Variants in XPO4 observed in about 807,000 individuals in gnomAD.
XPO4 encodes the protein exportin 4, also known as exportin-4.
A neutral mutation model predicts 143.0 loss-of-function variants in XPO4; 39 were observed. The observed-to-expected ratio is 0.27, with a 90% confidence interval of 0.21 to 0.36. The LOEUF (loss-of-function observed/expected upper bound fraction) is 0.36. Among genes scored for constraint, XPO4 ranks in the 10% least tolerant of loss-of-function variants. The pLI is 1.00. For synonymous variants in XPO4, 439 were observed against 474.0 expected (o/e 0.93, Z 0.96); for missense variants, 907 against 1,348.0 (o/e 0.67, Z 5.12).
intron 4 of XPO4, chr13:20,849,284 T>C (rs985432730): frequency 1.0e-6 from 1 of 985,440 alleles, no homozygotes. Context: ...AGAGATTAAC[T>C]TGGCTATCAC....
At chr13:20,808,707 A>G (rs2059538823) in intron 11 of XPO4, 126 bp from the exon 12 acceptor site, 1 of 764,344 alleles carries the variant, frequency 1.3e-6, no homozygotes, top group Non-Finnish European at 1.9e-6. Flanking sequence ...CAAAAACATT[A>G]TAGTACACAA....
chr13:20,874,347 T>C (rs7984503), intron 1 of XPO4, among the ~76,000 whole-genome samples: 43,984 of 152,110 alleles, frequency 0.29, 8,031 homozygotes, highest in East Asian at 0.8. Flanking sequence ...TAAGGATTTC[T>C]TAGGTTTAAT....
At chr13:20,856,909 T>G (rs1320106777) in intron 3 of XPO4, 1 of 985,298 alleles carries the variant, frequency 1.0e-6, no homozygotes, top group South Asian at 4.7e-5. Flanking sequence ...ACAGGACATA[T>G]CTGTTACTAC....
At chr13:20,886,184 C>A (rs971410359) in intron 1 of XPO4, among the ~76,000 whole-genome samples, 1 of 152,078 alleles carries the variant, frequency 6.6e-6, no homozygotes, top group Non-Finnish European at 1.5e-5. Flanking sequence ...CATATCCAAA[C>A]AAATTTTAAA....
At chr13:20,891,447 A>G (rs1267892247) in intron 1 of XPO4, among the ~76,000 whole-genome samples, 1 of 152,244 alleles carries the variant, frequency 6.6e-6, no homozygotes, top group African/African-American at 2.4e-5. Flanking sequence ...TAACATTTAC[A>G]GAGCACTTAC....
At chr13:20,855,928 A>G (rs1267376541) in intron 3 of XPO4, among the ~76,000 whole-genome samples, 163 bp from the exon 4 acceptor site, 1 of 152,222 alleles carries the variant, frequency 6.6e-6, no homozygotes, top group Non-Finnish European at 1.5e-5. Flanking sequence ...GCCTGGGTTC[A>G]AACCCAGGCT....
At chr13:20,880,859 G>A (rs923381587) in intron 1 of XPO4, among the ~76,000 whole-genome samples, 1 of 151,470 alleles carries the variant, frequency 6.6e-6, no homozygotes, top group Non-Finnish European at 1.5e-5. Flanking sequence ...TGGGCAGGCT[G>A]AAGTGGGAGG....
chr13:20,848,268 T>G, intron 4 of XPO4: 1 of 984,408 alleles, frequency 1.0e-6, no homozygotes, highest in Non-Finnish European at 1.2e-6. Flanking sequence ...TCTGCAGGAC[T>G]CTTTCAGGAG....
At chr13:20,842,251 T>C (rs1316720360) in intron 6 of XPO4, among the ~76,000 whole-genome samples, 2 of 152,198 alleles carry the variant, frequency 1.3e-5, no homozygotes, top group South Asian at 2.1e-4. Context: ...GGGCAGCAGA[T>C]GTCCCAGCAT....
At chr13:20,861,169 G>A (rs1390642352) in intron 3 of XPO4, among the ~76,000 whole-genome samples, 2 of 151,836 alleles carry the variant, frequency 1.3e-5, no homozygotes, top group African/African-American at 4.8e-5. Context: ...AACATCTAAA[G>A]TATTCAATTG....
At chr13:20,814,192 C>CAA (rs35203359) in intron 9 of XPO4, among the ~76,000 whole-genome samples, 2,395 of 97,878 alleles carry the variant, frequency 0.024, 40 homozygotes, top group Non-Finnish European at 0.034. Flanking sequence ...ACCCAGTCTC[C>CAA]AAAAAAAAAA....
At chr13:20,801,315 C>CA (rs541822392) in intron 13 of XPO4, among the ~76,000 whole-genome samples, 49 of 152,144 alleles carry the variant, frequency 3.2e-4, no homozygotes, top group Non-Finnish European at 7.2e-4. Flanking sequence ...AGAAATACAT[C>CA]AAATTAAATC....
intron 2 of XPO4, chr13:20,863,203 T>G (rs1013493197): frequency 1.8e-5 from 14 of 760,526 alleles, no homozygotes; most frequent in Non-Finnish European, 3.2e-6. Context: ...TCTCACCCTG[T>G]GCAAAACAGA....
chr13:20,807,554 A>G lies in XPO4; in HGVS notation c.1720T>C (p.Ser574Pro). The change falls in exon 13 of 23, where the codon TCT becomes CCT. Residue 574 changes from serine (S) to proline (P), a missense_variant. Physicochemically the swap from Ser to Pro is moderately conservative, Grantham distance 74. Transcript: ENST00000255305. The part of the protein sequence containing the change: ...EIMEYSIKHS[S>P]EVDINTTLQI... ...AGTGTTGTATTAATGTCAACTTCAG[A>G]TGAATGCTTAATGGAATATTCCATT... 6.2e-7 allele frequency: 1 copy of G among 1,613,680 alleles called. No individual in the cohort carries two copies.
chr13:20,854,488 A>AAC (rs2060122319), intron 4 of XPO4, among the ~76,000 whole-genome samples: 1 of 152,226 alleles, frequency 6.6e-6, no homozygotes, highest in Admixed American at 6.5e-5. Flanking sequence ...AAAAGGAATT[A>AAC]ACAAACAGTT....
chr13:20,874,948 C>T (rs1055713719), intron 1 of XPO4, among the ~76,000 whole-genome samples: 9 of 151,948 alleles, frequency 5.9e-5, no homozygotes, highest in African/African-American at 1.9e-4. Context: ...GAGCCAAGAT[C>T]GCAGCACAGC....
intron 19 of XPO4, 64 bp from the exon 20 acceptor site, chr13:20,788,680 CAATAA>C (rs1412991703): frequency 3.3e-5 from 47 of 1,403,536 alleles, no homozygotes; most frequent in Middle Eastern, 2.4e-4. Context: ...TTCATCAATG[CAATAA>C]AATAAAGTAA....
At chr13:20,831,316 T>C (rs1343494742) in intron 6 of XPO4, among the ~76,000 whole-genome samples, 1 of 152,214 alleles carries the variant, frequency 6.6e-6, no homozygotes, top group Non-Finnish European at 1.5e-5. Flanking sequence ...TTTAAAACTT[T>C]CAAAAGTTTG....
At chr13:20,851,713 A>C in intron 4 of XPO4, 1 of 51,230 alleles carries the variant, frequency 2.0e-5, no homozygotes, top group Non-Finnish European at 3.0e-5. Flanking sequence ...CGGTCTCACA[A>C]AAAAAAAAAA....
Sources: allele counts gnomAD v4.1 joint callset (sites outside exome capture counted in the v4.1 genomes callset), GRCh38; gene constraint gnomAD v4.1.1; transcripts MANE v1.5; gene names NCBI Gene and HGNC (gene_info 2026-07-23, HGNC 2026-07-21).